SCAPER: variants seen among roughly 807,000 people sequenced by gnomAD.
SCAPER encodes the protein S-phase cyclin A associated protein in the ER.
In SCAPER, 98 loss-of-function variants were observed where a neutral mutation model predicts 182.2. That is an observed-to-expected ratio of 0.54 (90% CI 0.46 to 0.64). The LOEUF (loss-of-function observed/expected upper bound fraction) is 0.64. SCAPER is among the 30% of genes least tolerant of loss of function. The probability of loss-of-function intolerance (pLI) is 0.00; values close to 1 mark genes in which losing one functional copy is unlikely to be tolerated. For missense variants in SCAPER, 1,432 were observed against 1,690.0 expected, an observed-to-expected ratio of 0.85 and a Z score of 2.68; for synonymous variants, 605 against 564.6, an observed-to-expected ratio of 1.07 and a Z score of -1.01.
intron 27 of SCAPER, among the ~76,000 whole-genome samples, chr15:76,390,401 G>T (rs1355216413): frequency 1.3e-5 from 2 of 152,202 alleles, no homozygotes; most frequent in African/African-American, 4.8e-5. Flanking sequence ...AGAATGGAAG[G>T]TAAAGGACAA....
chr15:76,493,540 T>C (rs754349745), intron 24 of SCAPER, among the ~76,000 whole-genome samples: 1 of 152,174 alleles, frequency 6.6e-6, no homozygotes, highest in Admixed American at 6.5e-5. Flanking sequence ...ATTACAATAA[T>C]ATATTTAAAA....
intron 5 of SCAPER, among the ~76,000 whole-genome samples, chr15:76,820,706 T>C (rs2067472008): frequency 6.6e-6 from 1 of 151,960 alleles, no homozygotes; most frequent in Admixed American, 6.6e-5. Context: ...AACCTGCACG[T>C]TGTGCACATG....
At position 76,601,693 on chromosome 15, in the gene SCAPER, G is replaced by A. The variant is rs1567564010; in HGVS notation, c.2711+20071C>T. Among the ~76,000 whole-genome samples, 2 of 121,768 alleles carry A rather than the reference G, an allele frequency of 1.6e-5. 1 individual carries two copies. Among genetic ancestry groups the A allele is most frequent in the Non-Finnish European group, 4.0e-5 (2 of 50,078 alleles). The allele number at this position is 121,768 out of a possible 152,430, so 79.9% of individuals were successfully genotyped here. On this transcript the variant is annotated intron_variant, in intron 22 of 31. Coordinates refer to ENST00000563290, the MANE Select transcript of SCAPER (RefSeq NM_020843.4). Reference sequence around the variant, plus strand: ...AGTAGTTGCAAACTAAAAGTTTGCAGTATAGATTTATAATTATTCCAAGTC... The same window carrying A: ...AGTAGTTGCAAACTAAAAGTTTGCAATATAGATTTATAATTATTCCAAGTC...
intron 15 of SCAPER, among the ~76,000 whole-genome samples, chr15:76,745,007 C>CT (rs2061722307): frequency 6.6e-6 from 1 of 152,120 alleles, no homozygotes; most frequent in African/African-American, 2.4e-5. Flanking sequence ...ATAGATGGAA[C>CT]TGAAGGCCAT....
intron 20 of SCAPER, among the ~76,000 whole-genome samples, chr15:76,697,787 G>A (rs905761923): frequency 1.1e-4 from 17 of 151,934 alleles, no homozygotes; most frequent in Middle Eastern, 3.2e-3. Context: ...TTACAGGCGC[G>A]CGTCACCATG....
At chr15:76,569,900 T>A (rs1244231437) in intron 23 of SCAPER, among the ~76,000 whole-genome samples, 2 of 152,082 alleles carry the variant, frequency 1.3e-5, no homozygotes, top group African/African-American at 4.8e-5. Context: ...TAATTAATAT[T>A]TATATCTTTG....
Position 76,804,279 on chromosome 15 carries a change from T to C in SCAPER, c.494+254A>G, listed in dbSNP as rs190642340. Among the ~76,000 whole-genome samples the C allele has an allele frequency of 3.2e-3, 483 of 152,330 alleles. 3 individuals are homozygous for C. Among genetic ancestry groups the C allele is most frequent in the South Asian group, 0.016 (77 of 4,828 alleles). Reference sequence around the variant, plus strand: ...TTCTATTTTTATCACACTCAGTCTATAAATTCCATGAGTGGTAAATGTGTC... The same window carrying C: ...TTCTATTTTTATCACACTCAGTCTACAAATTCCATGAGTGGTAAATGTGTC... On this transcript the variant is annotated intron_variant, in intron 6 of 31. Transcript: ENST00000563290.
At chr15:76,427,314 C>T (rs1276998378) in intron 26 of SCAPER, among the ~76,000 whole-genome samples, 1 of 152,130 alleles carries the variant, frequency 6.6e-6, no homozygotes, top group East Asian at 1.9e-4. Context: ...GCAAACTATA[C>T]ATCTGATAAC....
chr15:76,795,802 C>G (rs927703167), intron 7 of SCAPER, among the ~76,000 whole-genome samples: 6 of 152,180 alleles, frequency 3.9e-5, no homozygotes, highest in African/African-American at 1.4e-4. Flanking sequence ...TGGCTCACAC[C>G]TGTAGTCCCA....
intron 20 of SCAPER, among the ~76,000 whole-genome samples, chr15:76,690,863 C>A (rs116758236): frequency 0.016 from 2,354 of 151,860 alleles, 61 homozygotes; most frequent in African/African-American, 0.055. Context: ...AAACTATAGA[C>A]GAAGTTCATA....
chr15:76,607,467 A>AGATC (rs2050538723), intron 22 of SCAPER, among the ~76,000 whole-genome samples: 1 of 151,974 alleles, frequency 6.6e-6, no homozygotes, highest in Admixed American at 6.6e-5. Flanking sequence ...CTTCATTTCA[A>AGATC]CTTTGGTGAA....
At position 76,548,501 on chromosome 15, in the gene SCAPER, G is replaced by A. The variant is rs75629903; in HGVS notation, c.2838+25657C>T. Among the ~76,000 whole-genome samples the A allele has an allele frequency of 3.7e-3, 559 of 152,278 alleles. 7 individuals carry two copies. The highest frequency in any genetic ancestry group is 0.013 in the African/African-American group (540 of 41,554). Reference sequence around the variant, plus strand: ...TCCCAAGTTGATATAGTAGAGCAACGTGAAAATAATAATAAAAGCAAGATA... The same window carrying A: ...TCCCAAGTTGATATAGTAGAGCAACATGAAAATAATAATAAAAGCAAGATA... On this transcript the variant is annotated intron_variant, in intron 23 of 31. Coordinates refer to ENST00000563290, the MANE Select transcript of SCAPER (RefSeq NM_020843.4).
chr15:76,431,151 T>C (rs1222873732), intron 26 of SCAPER, among the ~76,000 whole-genome samples: 1 of 127,980 alleles, frequency 7.8e-6, no homozygotes, highest in African/African-American at 3.1e-5. Flanking sequence ...CAGCCTTGGG[T>C]ATGTCTTTAA....
chr15:76,387,463 A>C (rs2043364204), intron 27 of SCAPER, among the ~76,000 whole-genome samples: 1 of 152,158 alleles, frequency 6.6e-6, no homozygotes, highest in Non-Finnish European at 1.5e-5. Flanking sequence ...GAATAAATAC[A>C]CAAGCCCAAA....
At chr15:76,875,123 A>G (rs949170431) in intron 2 of SCAPER, among the ~76,000 whole-genome samples, 20 of 152,348 alleles carry the variant, frequency 1.3e-4, no homozygotes, top group Admixed American at 1.3e-3. Flanking sequence ...GAATCCCACA[A>G]AAGAAAATCT....
chr15:76,556,828 G>T (rs946356995), intron 23 of SCAPER, among the ~76,000 whole-genome samples: 15 of 152,054 alleles, frequency 9.9e-5, no homozygotes, highest in Admixed American at 2.0e-4. Flanking sequence ...ATCTCTCTTT[G>T]CAGACAATAT....
chr15:76,386,199 T>C (rs1296418673), intron 27 of SCAPER, among the ~76,000 whole-genome samples: 2 of 152,214 alleles, frequency 1.3e-5, no homozygotes, highest in East Asian at 3.8e-4. Context: ...TACCCTGAAT[T>C]ATCCAGAATA....
intron 22 of SCAPER, among the ~76,000 whole-genome samples, chr15:76,618,288 C>T (rs1023127071): frequency 6.6e-6 from 1 of 152,012 alleles, no homozygotes; most frequent in African/African-American, 2.4e-5. Flanking sequence ...CAAAAGAACA[C>T]TCTTCCAACA....
intron 22 of SCAPER, among the ~76,000 whole-genome samples, chr15:76,618,500 A>C (rs1192473950): frequency 6.6e-6 from 1 of 152,196 alleles, no homozygotes; most frequent in Non-Finnish European, 1.5e-5. Context: ...AGGAATATTT[A>C]CAGCAAACTT....
Sources: allele counts gnomAD v4.1 joint callset (sites outside exome capture counted in the v4.1 genomes callset), GRCh38; gene constraint gnomAD v4.1.1; transcripts MANE v1.5; gene names NCBI Gene and HGNC (gene_info 2026-07-23, HGNC 2026-07-21).